PFDN2: variants seen among roughly 807,000 people sequenced by gnomAD.
PFDN2 encodes prefoldin 2.
PFDN2 carries 7 observed loss-of-function variants against 18.3 expected under a neutral mutation model. The ratio of observed to expected loss-of-function variants is 0.38; its 90% CI spans 0.22 to 0.72. The LOEUF is 0.72. Among genes scored for constraint, PFDN2 ranks in the 30% least tolerant of loss-of-function variants. The pLI is 0.47. For missense variants in PFDN2, 181 were observed against 199.1 expected (o/e 0.91, Z 0.55); for synonymous variants, 76 against 75.0 (o/e 1.01, Z -0.07).
intron 1 of PFDN2, among the ~76,000 whole-genome samples, chr1:161,109,505 A>G (rs1654753108): frequency 6.6e-6 from 1 of 152,214 alleles, no homozygotes; most frequent in African/African-American, 2.4e-5. Context: ...CTATTTTAAA[A>G]TATCTATTTC....
intron 1 of PFDN2, among the ~76,000 whole-genome samples, chr1:161,106,495 C>G (rs1571184430): frequency 6.6e-6 from 1 of 152,130 alleles, no homozygotes; most frequent in East Asian, 1.9e-4. Context: ...TAGTCTTCTC[C>G]CCTATGGCTA....
At chr1:161,111,674 G>C (rs1001564603) in intron 1 of PFDN2, among the ~76,000 whole-genome samples, 15 of 151,768 alleles carry the variant, frequency 9.9e-5, no homozygotes, top group Non-Finnish European at 1.5e-4. Context: ...ACTCCCCTTT[G>C]GTTTCCAGGT....
Position 161,100,832 on chromosome 1 carries a change from G to GC in PFDN2, c.315_316insG (p.Gln106AlafsTer12). On this transcript the variant is annotated frameshift_variant, in exon 4 of 4. Coordinates refer to ENST00000368010, the MANE Select transcript of PFDN2 (RefSeq NM_012394.4). LOFTEE classifies it high-confidence loss of function. ...TCTTTTCCCTTTGCCTGAAGCTGCTGTGTCAGTGTCTCAATGATCTTCTGT... is the reference window on the plus strand; with the variant it reads ...TCTTTTCCCTTTGCCTGAAGCTGCTGCTGTCAGTGTCTCAATGATCTTCTGT... The GC allele has an allele frequency of 6.2e-7, 1 of 1,613,724 alleles. No individual in the cohort carries two copies. The highest frequency in any genetic ancestry group is 8.5e-7 in the Non-Finnish European group (1 of 1,179,644).
intron 1 of PFDN2, among the ~76,000 whole-genome samples, chr1:161,110,435 ATC>A (rs1477961783): frequency 3.3e-5 from 5 of 152,082 alleles, no homozygotes; most frequent in Admixed American, 6.6e-5. Flanking sequence ...AACTCTAAAA[ATC>A]TCTGTTAATA....
chr1:161,110,775 T>A (rs560947600), intron 1 of PFDN2, among the ~76,000 whole-genome samples: 1 of 152,042 alleles, frequency 6.6e-6, no homozygotes, highest in Non-Finnish European at 1.5e-5. Context: ...TCTTTGACCT[T>A]ATTACTCCAT....
intron 1 of PFDN2, among the ~76,000 whole-genome samples, chr1:161,116,378 T>C (rs1293957448): frequency 6.6e-6 from 1 of 152,076 alleles, no homozygotes; most frequent in African/African-American, 2.4e-5. Flanking sequence ...TAGCCAGGTA[T>C]GGTGGTGCAC....
chr1:161,102,173 T>TG lies in PFDN2; in HGVS notation c.165-3dup. Reference sequence around the variant, plus strand: ...TCCTTCAGTGTATCGATCACTAGGCTGGGATAGGAGAACAAGGCAGGACCT... The same window carrying TG: ...TCCTTCAGTGTATCGATCACTAGGCTGGGGATAGGAGAACAAGGCAGGACCT... On this transcript the variant is annotated splice_region_variant and splice_polypyrimidine_tract_variant and intron_variant, in intron 2 of 3. Transcript: ENST00000368010. 1 of 1,614,200 alleles carries TG rather than the reference T, an allele frequency of 6.2e-7. No homozygotes were observed. Among genetic ancestry groups the TG allele is most frequent in the South Asian group, 1.1e-5 (1 of 91,090 alleles).
At position 161,100,778 on chromosome 1, in the gene PFDN2, T is replaced by C; in HGVS notation, c.370A>G (p.Ile124Val). Residue 124 changes from isoleucine to valine, a missense_variant, in exon 4 of 4, where the codon ATT (isoleucine) becomes GTT (valine). By Grantham distance (29) the Ile-to-Val change is conservative. Coordinates refer to ENST00000368010, the MANE Select transcript of PFDN2 (RefSeq NM_012394.4). ...TTCTCATCTTCTCCCATGAGACGAATGTTGTGCTTTTCCCGGAATTCATTT... is the reference window on the plus strand; with the variant it reads ...TTCTCATCTTCTCCCATGAGACGAACGTTGTGCTTTTCCCGGAATTCATTT... ...ELNEFREKHNIRLMGEDEKPA... is the reference protein window; with the variant it reads ...ELNEFREKHNVRLMGEDEKPA... The C allele has an allele frequency of 4.3e-6, 7 of 1,614,016 alleles. No homozygotes were observed. The highest frequency in any genetic ancestry group is 5.9e-6 in the Non-Finnish European group (7 of 1,179,840).
At chr1:161,110,819 A>AT (rs1342029221) in intron 1 of PFDN2, among the ~76,000 whole-genome samples, 2,905 of 133,672 alleles carry the variant, frequency 0.022, 51 homozygotes, top group South Asian at 0.047. Context: ...TCTTCATGAA[A>AT]TTTTTTTTTT....
chr1:161,109,946 C>G, intron 1 of PFDN2, among the ~76,000 whole-genome samples: 1 of 151,576 alleles, frequency 6.6e-6, no homozygotes, highest in East Asian at 1.9e-4. Flanking sequence ...CCCAGTTACT[C>G]GGGAGGCTGA....
At chr1:161,102,913 G>A (rs1348046186) in intron 1 of PFDN2, among the ~76,000 whole-genome samples, 3 of 149,276 alleles carry the variant, frequency 2.0e-5, no homozygotes, top group East Asian at 2.0e-4. Flanking sequence ...AGCCAAGATC[G>A]CACCACTGCA....
chr1:161,117,944 C>T lies in PFDN2; in HGVS notation c.75+8G>A. 6.2e-7 allele frequency: 1 copy of T among 1,609,450 alleles called. No homozygotes were observed. ...TGGGTACCCTGCTTCGCGTTAGCCACTCCTCACCTGCTCTGCGGACACCGC... is the reference window on the plus strand; with the variant it reads ...TGGGTACCCTGCTTCGCGTTAGCCATTCCTCACCTGCTCTGCGGACACCGC... On this transcript the variant is annotated splice_region_variant and intron_variant, in intron 1 of 3. Coordinates refer to ENST00000368010, the MANE Select transcript of PFDN2 (RefSeq NM_012394.4).
Position 161,102,029 on chromosome 1 carries a change from T to C in PFDN2, c.288+19A>G. ...TTTACAGCCACTGTACCCGATCCTA[T>C]TCAATGATTCTTGCTCACCTGCTCC... On this transcript the variant is annotated intron_variant, in intron 3 of 3. Coordinates refer to ENST00000368010, the MANE Select transcript of PFDN2 (RefSeq NM_012394.4). The C allele has an allele frequency of 6.2e-7, 1 of 1,613,998 alleles. No individual in the cohort carries two copies. The highest frequency in any genetic ancestry group is 8.5e-7 in the Non-Finnish European group (1 of 1,179,984).
At chr1:161,112,996 T>C (rs1055611905) in intron 1 of PFDN2, among the ~76,000 whole-genome samples, 2 of 151,968 alleles carry the variant, frequency 1.3e-5, no homozygotes, top group Non-Finnish European at 2.9e-5. Flanking sequence ...TACTCCTAAA[T>C]GGCAAGAAAA....
chr1:161,112,366 CTTCTAT>C (rs1654829549), intron 1 of PFDN2, among the ~76,000 whole-genome samples: 1 of 152,198 alleles, frequency 6.6e-6, no homozygotes, highest in Non-Finnish European at 1.5e-5. Context: ...GATCTTATCT[CTTCTAT>C]TTCTGCTACT....
intron 1 of PFDN2, among the ~76,000 whole-genome samples, chr1:161,104,200 T>C (rs992405076): frequency 7.2e-5 from 11 of 152,208 alleles, no homozygotes; most frequent in African/African-American, 2.7e-4. Flanking sequence ...CCAATGAGTG[T>C]GAAACATCTT....
rs1341343237 is a variant in PFDN2 at position 161,117,973 on chromosome 1, C to T, written c.54G>A (p.Lys18=). The change falls in exon 1 of 4, where the codon AAG becomes AAA. Residue 18 remains lysine, a synonymous_variant. Coordinates refer to ENST00000368010, the MANE Select transcript of PFDN2 (RefSeq NM_012394.4). The part of the protein sequence containing the change: ...AGKSSGSGAG[K]GAVSAEQVIA... ...TCACCTGCTCTGCGGACACCGCCCC[C>T]TTCCCCGCGCCGCTCCCGCTGCTCT... 3 of 1,612,830 alleles carry T rather than the reference C, an allele frequency of 1.9e-6. No homozygotes were observed. Among genetic ancestry groups the T allele is most frequent in the East Asian group, 2.2e-5 (1 of 44,840 alleles).
At chr1:161,117,876 C>T in intron 1 of PFDN2, 76 bp downstream of exon 1, 4 of 1,326,968 alleles carry the variant, frequency 3.0e-6, no homozygotes, top group Non-Finnish European at 4.2e-6. Flanking sequence ...AAGGCCTGCA[C>T]AAGCCACAGG....
At chr1:161,101,953 G>A in intron 3 of PFDN2, 95 bp downstream of exon 3, 5 of 1,318,634 alleles carry the variant, frequency 3.8e-6, no homozygotes, top group East Asian at 2.4e-5. Flanking sequence ...GGCTGGTCTC[G>A]AACTCCCGGA....
Sources: allele counts gnomAD v4.1 joint callset (sites outside exome capture counted in the v4.1 genomes callset), GRCh38; gene constraint gnomAD v4.1.1; transcripts MANE v1.5; gene names NCBI Gene and HGNC (gene_info 2026-07-23, HGNC 2026-07-21).